ATP2B4: variants seen among roughly 807,000 people sequenced by gnomAD.
ATP2B4 encodes plasma membrane calcium-transporting ATPase 4.
In ATP2B4, 39 loss-of-function variants were observed where a neutral mutation model predicts 110.3. The ratio of observed to expected loss-of-function variants is 0.35; its 90% CI spans 0.27 to 0.46. ATP2B4 has a LOEUF of 0.46. ATP2B4 is among the 20% of genes least tolerant of loss of function. The pLI, the probability that ATP2B4 is intolerant of heterozygous loss-of-function variation, is 1.00. For missense variants in ATP2B4, 1,135 were observed against 1,530.9 expected (o/e 0.74, Z 4.32); for synonymous variants, 538 against 571.7 (o/e 0.94, Z 0.84).
intron 1 of ATP2B4, among the ~76,000 whole-genome samples, chr1:203,646,771 A>G (rs1321734753): frequency 1.3e-5 from 2 of 152,160 alleles, no homozygotes; most frequent in African/African-American, 4.8e-5. Flanking sequence ...CAAAAAAAAT[A>G]AATAAAAATA....
chr1:203,743,122 C>T lies in ATP2B4; in HGVS notation c.*3268C>T, dbSNP rs750534068. 2.0e-5 allele frequency: 3 copies of T among 152,674 alleles called. No individual in the cohort carries two copies. Among genetic ancestry groups the T allele is most frequent in the Non-Finnish European group, 4.4e-5 (3 of 68,068 alleles). 9.5% of individuals were successfully genotyped at this position (152,674 alleles called of 1,614,324 possible). A position where few individuals can be genotyped will look rare whatever the true frequency, so the allele number is the denominator to read the frequency against. On this transcript the variant is annotated 3_prime_UTR_variant, in exon 21 of 21. Transcript: ENST00000357681. ...GTTTGAGTTTCTTCTTCCCCTTGAG[C>T]TTCAGAGAGGAGAGTTGGCATGGTT...
At chr1:203,644,738 A>C (rs1663741151) in intron 1 of ATP2B4, among the ~76,000 whole-genome samples, 1 of 152,054 alleles carries the variant, frequency 6.6e-6, no homozygotes, top group South Asian at 2.1e-4. Context: ...TCTTCCTAGG[A>C]AGTTGGTGAC....
At chr1:203,712,555 C>T (rs992809494) in intron 13 of ATP2B4, among the ~76,000 whole-genome samples, 1 of 151,484 alleles carries the variant, frequency 6.6e-6, no homozygotes, top group Non-Finnish European at 1.5e-5. Context: ...CATGCCACTG[C>T]ACTCCAGCCT....
chr1:203,642,225 G>A (rs1571671392), intron 1 of ATP2B4, among the ~76,000 whole-genome samples: 1 of 152,052 alleles, frequency 6.6e-6, no homozygotes, highest in Admixed American at 6.5e-5. Context: ...GGGACTACAG[G>A]TGTGCACCAC....
intron 19 of ATP2B4, 109 bp from the exon 20 acceptor site, chr1:203,727,286 G>A (rs1666552813): frequency 1.6e-6 from 2 of 1,288,618 alleles, no homozygotes; most frequent in East Asian, 2.4e-5. Flanking sequence ...CAGTGGGAAG[G>A]GTGGTAGGGC....
At chr1:203,727,337 C>CT in intron 19 of ATP2B4, 58 bp from the exon 20 acceptor site, 2 of 1,587,298 alleles carry the variant, frequency 1.3e-6, no homozygotes, top group Non-Finnish European at 1.7e-6. Context: ...TGTAAGTTGA[C>CT]TGACAGCTCT....
chr1:203,680,985 C>A (rs1006778756), intron 1 of ATP2B4, among the ~76,000 whole-genome samples: 2 of 152,178 alleles, frequency 1.3e-5, no homozygotes, highest in Non-Finnish European at 2.9e-5. Flanking sequence ...TTAGCCCTTC[C>A]CACTTCTTCC....
intron 1 of ATP2B4, among the ~76,000 whole-genome samples, chr1:203,678,453 G>A (rs1664895968): frequency 1.5e-5 from 2 of 134,468 alleles, no homozygotes; most frequent in South Asian, 5.3e-4. Flanking sequence ...CTGAAACTAA[G>A]TGATATGAAC....
intron 1 of ATP2B4, among the ~76,000 whole-genome samples, chr1:203,666,932 C>T (rs892789061): frequency 1.3e-5 from 2 of 152,152 alleles, no homozygotes; most frequent in African/African-American, 4.8e-5. Flanking sequence ...CAATTGTGAG[C>T]TCTCTAGCAC....
intron 15 of ATP2B4, among the ~76,000 whole-genome samples, chr1:203,718,448 G>A (rs1666223721): frequency 6.6e-6 from 1 of 152,060 alleles, no homozygotes; most frequent in Non-Finnish European, 1.5e-5. Context: ...ACAGGCGTGT[G>A]CCACCACACC....
At chr1:203,650,956 T>C (rs576273271) in intron 1 of ATP2B4, among the ~76,000 whole-genome samples, 15 of 152,348 alleles carry the variant, frequency 9.8e-5, no homozygotes, top group African/African-American at 3.4e-4. Flanking sequence ...TGCGTTTTTG[T>C]AGAGATGGGG....
At chr1:203,687,526 T>C (rs1665234363) in intron 2 of ATP2B4, among the ~76,000 whole-genome samples, 1 of 152,204 alleles carries the variant, frequency 6.6e-6, no homozygotes, top group African/African-American at 2.4e-5. Context: ...TAAAGAAATG[T>C]ACCTGGTGCT....
Position 203,723,960 on chromosome 1 carries a change from T to C in ATP2B4, c.3104T>C (p.Ile1035Thr), listed in dbSNP as rs551658175. Residue 1035 changes from isoleucine to threonine, a missense_variant, in exon 19 of 21, where the codon ATT becomes ACT. By Grantham distance (89) the Ile-to-Thr change is moderately conservative. Around this residue, in one of 9 missense-constraint regions of ATP2B4, gnomAD observed 155 missense variants for 186.2 expected, o/e 0.83. Coordinates refer to ENST00000357681, the MANE Select transcript of ATP2B4 (RefSeq NM_001684.5). The stretch of plus-strand genomic sequence containing the variant: ...TCTCAGTGGCTGTGGTGTCTCTTCA[T>C]TGGGATTGGAGAACTTCTGTGGGGC... The part of the protein sequence containing the change: ...SLSQWLWCLF[I>T]GIGELLWGQF... 1.4e-5 allele frequency: 23 copies of C among 1,611,836 alleles called. No individual in the cohort carries two copies. Among genetic ancestry groups the C allele is most frequent in the South Asian group, 8.8e-5 (8 of 90,464 alleles).
intron 1 of ATP2B4, among the ~76,000 whole-genome samples, chr1:203,672,411 A>C (rs1226821433): frequency 6.7e-6 from 1 of 149,194 alleles, no homozygotes; most frequent in Non-Finnish European, 1.5e-5. Flanking sequence ...ATAATAAAAA[A>C]CAGACCACTC....
chr1:203,642,792 G>C (rs1311808207), intron 1 of ATP2B4, among the ~76,000 whole-genome samples: 1 of 152,162 alleles, frequency 6.6e-6, no homozygotes. Context: ...AGTCTGGCTG[G>C]CCAGCTGTGT....
At position 203,739,663 on chromosome 1, in the gene ATP2B4, C is replaced by A. The variant is rs750737169; in HGVS notation, c.3427C>A (p.Pro1143Thr). Residue 1143 changes from proline (P) to threonine (T), a missense_variant, in exon 21 of 21, where the codon CCA becomes ACA. This residue lies in a region of ATP2B4 where 92 missense variants were observed against 82.5 expected (regional missense o/e 1.11). Coordinates refer to ENST00000357681, the MANE Select transcript of ATP2B4 (RefSeq NM_001684.5). The stretch of plus-strand genomic sequence containing the variant: ...TGAATTCGCCATAGAGGAGGAGTTG[C>A]CACGAACACCACTCCTGGATGAGGA... ...HPEFAIEEEL[P>T]RTPLLDEEEE... 4 of 1,614,100 alleles carry A rather than the reference C, an allele frequency of 2.5e-6. No individual in the cohort carries two copies. The Admixed American group carries it at 6.7e-5, about 27-fold the overall frequency.
intron 1 of ATP2B4, among the ~76,000 whole-genome samples, chr1:203,651,520 A>G (rs1403617936): frequency 6.6e-6 from 1 of 152,186 alleles, no homozygotes; most frequent in Non-Finnish European, 1.5e-5. Flanking sequence ...CTTGGGCTGT[A>G]ATGTTGTATT....
intron 1 of ATP2B4, among the ~76,000 whole-genome samples, chr1:203,672,265 A>G (rs1664686617): frequency 6.7e-6 from 1 of 148,734 alleles, no homozygotes; most frequent in Non-Finnish European, 1.5e-5. Flanking sequence ...TCCTGGCTCA[A>G]GTCATAGGCT....
chr1:203,708,120 G>C lies in ATP2B4; in HGVS notation c.1557+16G>C, dbSNP rs1558044208. On this transcript the variant is annotated intron_variant, in intron 10 of 20. Transcript: ENST00000357681. ...CAAGATTCTGGTAAGCATTTCCTTTGCGTAGACACTTAGAGTGGGTGGTTG... is the reference window on the plus strand; with the variant it reads ...CAAGATTCTGGTAAGCATTTCCTTTCCGTAGACACTTAGAGTGGGTGGTTG... 6.2e-7 allele frequency: 1 copy of C among 1,613,794 alleles called. No individual in the cohort carries two copies. Among genetic ancestry groups the C allele is most frequent in the South Asian group, 1.1e-5 (1 of 91,076 alleles).
Sources: allele counts gnomAD v4.1 joint callset (sites outside exome capture counted in the v4.1 genomes callset), GRCh38; gene constraint gnomAD v4.1.1; regional missense constraint gnomAD v4.1.1; transcripts MANE v1.5; gene names NCBI Gene and HGNC (gene_info 2026-07-23, HGNC 2026-07-21).